The following SLC44A3 variants were observed in gnomAD, a reference collection of about 807,000 sequenced individuals.
The protein encoded by SLC44A3 is solute carrier family 44 member 3, also known as choline transporter-like protein 3.
In SLC44A3, 74 loss-of-function variants were observed where a neutral mutation model predicts 75.4. The observed-to-expected ratio is 0.98, with a 90% CI of 0.81 to 1.19. SLC44A3 has a LOEUF of 1.19. Ranked by LOEUF, SLC44A3 falls within the 50% of genes most tolerant of loss-of-function variation. SLC44A3 has a pLI of 0.00. For synonymous variants in SLC44A3, 310 were observed against 296.9 expected, an observed-to-expected ratio of 1.04 and a Z score of -0.45; for missense variants, 700 against 778.6, an observed-to-expected ratio of 0.90 and a Z score of 1.20.
intron 5 of SLC44A3, among the ~76,000 whole-genome samples, chr1:94,829,116 A>G (rs1661767648): frequency 6.6e-6 from 1 of 151,904 alleles, no homozygotes; most frequent in Admixed American, 6.6e-5. Flanking sequence ...TACTAAAAAT[A>G]TACTAAAAAT....
intron 12 of SLC44A3, among the ~76,000 whole-genome samples, chr1:94,868,133 A>G (rs1032677947): frequency 2.0e-5 from 3 of 152,190 alleles, no homozygotes; most frequent in African/African-American, 7.2e-5. Context: ...GAATTTTTCA[A>G]ATTGATGGAA....
At chr1:94,830,782 T>A (rs1456934732) in intron 5 of SLC44A3, among the ~76,000 whole-genome samples, 1 of 152,118 alleles carries the variant, frequency 6.6e-6, no homozygotes, top group African/African-American at 2.4e-5. Context: ...TTAACCAGAG[T>A]TGGATAAACT....
chr1:94,822,929 G>A (rs1343998594), intron 2 of SLC44A3, among the ~76,000 whole-genome samples: 1 of 152,154 alleles, frequency 6.6e-6, no homozygotes, highest in African/African-American at 2.4e-5. Context: ...GAAGGCCGAG[G>A]CAGGAAGATC....
At position 94,864,809 on chromosome 1, in the gene SLC44A3, A is replaced by G. The variant is rs752792618; in HGVS notation, c.1305A>G (p.Gln435=). 3 of 1,614,046 alleles carry G rather than the reference A, an allele frequency of 1.9e-6. No homozygotes were observed. Among genetic ancestry groups the G allele is most frequent in the Admixed American group, 3.3e-5 (2 of 60,012 alleles). The change falls in exon 11 of 15, where the codon CAA becomes CAG. Residue 435 remains glutamine, a synonymous_variant. Transcript: ENST00000271227. ...SSLSILFFYH[Q]GTVVKGSFLI... ...TCTCCATTCTCTTCTTCTACCATCAAGGAACCGTTGTGAAAGGGTCATTTT... is the reference window on the plus strand; with the variant it reads ...TCTCCATTCTCTTCTTCTACCATCAGGGAACCGTTGTGAAAGGGTCATTTT...
chr1:94,835,906 T>G (rs1236183486), intron 5 of SLC44A3, among the ~76,000 whole-genome samples: 1 of 152,212 alleles, frequency 6.6e-6, no homozygotes, highest in African/African-American at 2.4e-5. Flanking sequence ...TCTTGTACTT[T>G]TTGGAATTTA....
intron 12 of SLC44A3, among the ~76,000 whole-genome samples, chr1:94,871,428 C>T (rs890938627): frequency 1.3e-5 from 2 of 152,184 alleles, no homozygotes; most frequent in African/African-American, 2.4e-5. Context: ...ACCTTACAGC[C>T]TCCCCTCTCC....
chr1:94,847,144 G>A (rs1664510440), intron 9 of SLC44A3, among the ~76,000 whole-genome samples: 1 of 152,222 alleles, frequency 6.6e-6, no homozygotes, highest in Admixed American at 6.5e-5. Flanking sequence ...GGAAGTGAAA[G>A]AAAACTCAAA....
At chr1:94,831,256 C>CT (rs899048498) in intron 5 of SLC44A3, among the ~76,000 whole-genome samples, 3 of 152,086 alleles carry the variant, frequency 2.0e-5, no homozygotes, top group Non-Finnish European at 2.9e-5. Context: ...ACTGAGTGGC[C>CT]TTTTTTGGAC....
chr1:94,889,524 TCAC>T (rs1329562679), intron 12 of SLC44A3, among the ~76,000 whole-genome samples: 1 of 111,622 alleles, frequency 9.0e-6, no homozygotes, highest in African/African-American at 2.7e-5. Flanking sequence ...GTGAACATAA[TCAC>T]ACACACACAC....
At chr1:94,824,705 G>T in intron 3 of SLC44A3, 70 bp downstream of exon 3, 8 of 1,466,044 alleles carry the variant, frequency 5.5e-6, no homozygotes, top group Non-Finnish European at 7.2e-6. Flanking sequence ...TTCATCATTT[G>T]GAGCCTGGAA....
chr1:94,882,559 C>A (rs193142458), intron 12 of SLC44A3, among the ~76,000 whole-genome samples: 1 of 152,298 alleles, frequency 6.6e-6, no homozygotes, highest in South Asian at 2.1e-4. Flanking sequence ...AAGGATGTAA[C>A]AGCACTCCAA....
chr1:94,845,931 G>A (rs867063940), intron 9 of SLC44A3, among the ~76,000 whole-genome samples: 17 of 152,198 alleles, frequency 1.1e-4, no homozygotes, highest in African/African-American at 3.4e-4. Flanking sequence ...GGTAGACCAC[G>A]AGGTCAGGAG....
chr1:94,853,926 A>G (rs1484205990), intron 9 of SLC44A3, among the ~76,000 whole-genome samples: 2 of 151,118 alleles, frequency 1.3e-5, no homozygotes, highest in Non-Finnish European at 2.9e-5. Context: ...TAATACCAGC[A>G]TGGAGTAGAT....
rs796631229 is a variant in SLC44A3, at chr1:94,879,217, A to C, written c.1482+11800A>C. 7.6e-4 allele frequency among the ~76,000 whole-genome samples: 110 copies of C among 145,056 alleles called. 2 individuals carry two copies. The highest frequency in any genetic ancestry group is 1.8e-3 in the African/African-American group (71 of 39,336). ...TTCTACAATTTAACAACAACTACAA[A>C]AAAAAAAAACCCGATTTTAAAATGG... On this transcript the variant is annotated intron_variant, in intron 12 of 14. Coordinates refer to ENST00000271227, the MANE Select transcript of SLC44A3 (RefSeq NM_001114106.3).
In SLC44A3 at chr1:94,867,403, C is replaced by G. The variant is rs778750012; in HGVS notation, c.1468C>G (p.Leu490Val). Residue 490 changes from leucine (L) to valine (V), a missense_variant, in exon 12 of 15, where the codon CTC becomes GTC. Coordinates refer to ENST00000271227, the MANE Select transcript of SLC44A3 (RefSeq NM_001114106.3). ...TTTCTGGTGTCTTGACAAATACCTG[C>G]TCCATCTCAACCAGGTACGTCTCTA... is the stretch of plus-strand genomic sequence containing the variant. Reference protein sequence around the residue: ...CCFWCLDKYLLHLNQNAYTTT... With the variant: ...CCFWCLDKYLVHLNQNAYTTT... 4 of 1,606,162 alleles carry G rather than the reference C, an allele frequency of 2.5e-6. No individual in the cohort carries two copies. The highest frequency in any genetic ancestry group is 3.4e-6 in the Non-Finnish European group (4 of 1,175,318).
At chr1:94,842,210 T>C (rs1663749779) in intron 8 of SLC44A3, 86 bp downstream of exon 8, 5 of 1,472,218 alleles carry the variant, frequency 3.4e-6, no homozygotes, top group Non-Finnish European at 4.5e-6. Flanking sequence ...AAAACAACTA[T>C]AATTTGTTTT....
chr1:94,835,022 C>G (rs1462272346), intron 5 of SLC44A3, among the ~76,000 whole-genome samples: 3 of 152,120 alleles, frequency 2.0e-5, no homozygotes, highest in Admixed American at 6.5e-5. Flanking sequence ...TGGCACTGTC[C>G]CAAAAACCTG....
intron 10 of SLC44A3, among the ~76,000 whole-genome samples, chr1:94,861,709 A>G (rs1666598093): frequency 1.3e-5 from 2 of 152,228 alleles, no homozygotes; most frequent in Admixed American, 6.5e-5. Flanking sequence ...AAATATAGCC[A>G]GGGTGCATTC....
intron 9 of SLC44A3, among the ~76,000 whole-genome samples, chr1:94,853,646 G>T (rs1204774852): frequency 6.6e-6 from 1 of 152,196 alleles, no homozygotes; most frequent in Non-Finnish European, 1.5e-5. Flanking sequence ...CAGGTTAGGT[G>T]TGAGGTGGTC....
Sources: gnomAD v4.1 joint callset for allele counts (sites outside exome capture counted in the v4.1 genomes callset) on GRCh38, gnomAD v4.1.1 for gene constraint, MANE v1.5 for transcripts, NCBI Gene and HGNC (gene_info 2026-07-23, HGNC 2026-07-21) for gene names.